The following CTNNA1 variants were observed in gnomAD, a reference collection of about 807,000 sequenced individuals.
CTNNA1 encodes catenin alpha-1.
A neutral mutation model predicts 98.4 loss-of-function variants in CTNNA1; 37 were observed. The ratio of observed to expected loss-of-function variants is 0.38; its 90% CI spans 0.29 to 0.49. The LOEUF is 0.49. Among genes scored for constraint, CTNNA1 ranks in the 20% least tolerant of loss-of-function variants. CTNNA1 has a pLI of 0.95. For synonymous variants in CTNNA1, 404 were observed against 413.2 expected (o/e 0.98, Z 0.27); for missense variants, 761 against 1,147.2 (o/e 0.66, Z 4.86).
intron 7 of CTNNA1, among the ~76,000 whole-genome samples, chr5:138,879,252 AC>A (rs772146524): frequency 8.6e-5 from 13 of 151,714 alleles, no homozygotes; most frequent in Middle Eastern, 3.4e-3. Context: ...TCTGCCAAGA[AC>A]CTTTTAAGGT....
At chr5:138,757,697 T>C (rs1751826899) in intron 1 of CTNNA1, among the ~76,000 whole-genome samples, 1 of 152,196 alleles carries the variant, frequency 6.6e-6, no homozygotes, top group Admixed American at 6.5e-5. Flanking sequence ...GAAGGGAGCC[T>C]TGTAAGCTCC....
At chr5:138,764,617 A>C (rs796291825) in intron 1 of CTNNA1, among the ~76,000 whole-genome samples, 2 of 151,392 alleles carry the variant, frequency 1.3e-5, no homozygotes, top group Non-Finnish European at 2.9e-5. Context: ...GATTACAGGC[A>C]TGCACCACCA....
chr5:138,852,522 T>C (rs538338991), intron 7 of CTNNA1, among the ~76,000 whole-genome samples: 7 of 152,286 alleles, frequency 4.6e-5, no homozygotes, highest in African/African-American at 1.4e-4. Flanking sequence ...ATCTCATGAC[T>C]ACTATAGTTC....
intron 7 of CTNNA1, chr5:138,872,643 A>ATC (rs1432352262): frequency 6.0e-6 from 1 of 167,054 alleles, no homozygotes; most frequent in Non-Finnish European, 1.3e-5. Context: ...ACAGGTATTG[A>ATC]TCTATATCTG....
chr5:138,886,159 ATTAGGTTTCT>A (rs1188131626), intron 7 of CTNNA1, 43 bp from the exon 8 acceptor site: 4 of 1,585,984 alleles, frequency 2.5e-6, no homozygotes, highest in Non-Finnish European at 3.4e-6. Context: ...ATAGGCTATC[ATTAGGTTTCT>A]TTGTAAATGA....
intron 7 of CTNNA1, among the ~76,000 whole-genome samples, chr5:138,834,370 T>G (rs1413176683): frequency 6.6e-6 from 1 of 152,232 alleles, no homozygotes; most frequent in African/African-American, 2.4e-5. Context: ...CTTATATCTG[T>G]TCTTTTCTTA....
intron 1 of CTNNA1, among the ~76,000 whole-genome samples, chr5:138,768,072 C>T (rs1304577703): frequency 3.3e-5 from 5 of 152,094 alleles, no homozygotes; most frequent in Non-Finnish European, 7.4e-5. Context: ...CTAGTGATAC[C>T]CTTTATGGTT....
chr5:138,897,162 A>T (rs1756998465), intron 9 of CTNNA1, among the ~76,000 whole-genome samples: 1 of 152,100 alleles, frequency 6.6e-6, no homozygotes. Context: ...CAGACCTTGT[A>T]TTAAAATGTG....
chr5:138,866,310 A>AT (rs138735722), intron 7 of CTNNA1, among the ~76,000 whole-genome samples: 2,683 of 145,316 alleles, frequency 0.018, 95 homozygotes, highest in African/African-American at 0.071. Context: ...TTATTTATTT[A>AT]TTTATTTATT....
intron 7 of CTNNA1, among the ~76,000 whole-genome samples, chr5:138,829,887 T>C (rs981240829): frequency 6.6e-6 from 1 of 151,884 alleles, no homozygotes; most frequent in African/African-American, 2.4e-5. Context: ...CAGTCTCTAC[T>C]AAAAATACAG....
chr5:138,793,398 G>C lies in CTNNA1; in HGVS notation c.301+10026G>C, dbSNP rs75695260. On this transcript the variant is annotated intron_variant, in intron 3 of 17. Coordinates refer to ENST00000302763, the MANE Select transcript of CTNNA1 (RefSeq NM_001903.5). The stretch of plus-strand genomic sequence containing the variant: ...ACTTGTGTTCTGCTGTAGCCAGCTT[G>C]GAATTGAGGAAAGAAGAGTGAAGTT... Among the ~76,000 whole-genome samples, 626 of 152,282 alleles carry C rather than the reference G, an allele frequency of 4.1e-3. 1 individual carries two copies. The highest frequency in any genetic ancestry group is 0.017 in the Middle Eastern group (5 of 292).
intron 16 of CTNNA1, 35 bp from the exon 17 acceptor site, chr5:138,932,543 C>T: frequency 6.2e-7 from 1 of 1,611,494 alleles, no homozygotes; most frequent in South Asian, 1.1e-5. Context: ...TGGGCCAGGC[C>T]AGGATACTTG....
chr5:138,858,258 C>G (rs1319311969), intron 7 of CTNNA1, among the ~76,000 whole-genome samples: 1 of 151,890 alleles, frequency 6.6e-6, no homozygotes, highest in African/African-American at 2.4e-5. Flanking sequence ...TCCTGAGTAG[C>G]TAGCAGCACG....
chr5:138,925,319 A>G lies in CTNNA1; in HGVS notation c.1811A>G (p.Gln604Arg). The G allele has an allele frequency of 6.2e-7, 1 of 1,614,198 alleles. No individual in the cohort carries two copies. The highest frequency in any genetic ancestry group is 8.5e-7 in the Non-Finnish European group (1 of 1,180,036). The change falls in exon 13 of 18, where the codon CAG becomes CGG. Residue 604 changes from glutamine (Q) to arginine (R), a missense_variant. By Grantham distance (43) the Gln-to-Arg change is conservative (BLOSUM62 1). Coordinates refer to ENST00000302763, the MANE Select transcript of CTNNA1 (RefSeq NM_001903.5). ...AVEALSSDPA[Q>R]PMDENEFIDA... ...GAAGCCCTCAGCTCGGACCCTGCCC[A>G]GCCCATGGATGAGAATGAGTTTATC...
At chr5:138,872,779 T>G in intron 7 of CTNNA1, 1 of 420,710 alleles carries the variant, frequency 2.4e-6, no homozygotes, top group Non-Finnish European at 4.2e-6. Flanking sequence ...AAGTAAGCAT[T>G]TTAGACTTTC....
At chr5:138,807,646 T>C (rs537982427) in intron 3 of CTNNA1, among the ~76,000 whole-genome samples, 11 of 152,252 alleles carry the variant, frequency 7.2e-5, no homozygotes, top group African/African-American at 2.2e-4. Flanking sequence ...TTGTTTTTAG[T>C]GTGTAGTAAG....
At chr5:138,762,218 G>C (rs987793560) in intron 1 of CTNNA1, 1 of 152,360 alleles carries the variant, frequency 6.6e-6, no homozygotes, top group East Asian at 1.9e-4. Flanking sequence ...CAGTATGCCT[G>C]CTTCCAGACC....
intron 7 of CTNNA1, among the ~76,000 whole-genome samples, chr5:138,838,903 T>C (rs1561579652): frequency 6.6e-6 from 1 of 152,158 alleles, no homozygotes. Context: ...AGTGCTGGGA[T>C]TACAGGCGTG....
At chr5:138,850,272 CCTGGATGCCTCTATTT>C (rs150845237) in intron 7 of CTNNA1, among the ~76,000 whole-genome samples, 1,777 of 152,298 alleles carry the variant, frequency 0.012, 29 homozygotes, top group African/African-American at 0.041. Context: ...GATATTTAAT[CCTGGATGCCTCTATTT>C]CTATTCACTG....
Sources: allele counts gnomAD v4.1 joint callset (sites outside exome capture counted in the v4.1 genomes callset), GRCh38; gene constraint gnomAD v4.1.1; transcripts MANE v1.5; gene names NCBI Gene and HGNC (gene_info 2026-07-23, HGNC 2026-07-21).